MLPH: variants seen among roughly 807,000 people sequenced by gnomAD.
MLPH encodes the protein melanophilin.
In MLPH, 51 loss-of-function variants were observed where a neutral mutation model predicts 72.1. That is an observed-to-expected ratio of 0.71 (90% CI 0.56 to 0.89). The LOEUF (loss-of-function observed/expected upper bound fraction) is 0.89. MLPH is among the 40% of genes least tolerant of loss of function. The probability of loss-of-function intolerance (pLI) is 0.00; values close to 1 mark genes in which losing one functional copy is unlikely to be tolerated. For missense variants in MLPH, 743 were observed against 759.9 expected, an observed-to-expected ratio of 0.98 and a Z score of 0.26; for synonymous variants, 301 against 310.1, an observed-to-expected ratio of 0.97 and a Z score of 0.31.
chr2:237,548,343 G>A (rs912875929), intron 13 of MLPH, among the ~76,000 whole-genome samples: 1 of 152,208 alleles, frequency 6.6e-6, no homozygotes, highest in Non-Finnish European at 1.5e-5. Flanking sequence ...ATTTCCAGGG[G>A]AATTTGGCCA....
At chr2:237,525,376 C>G (rs1342513898) in intron 6 of MLPH, among the ~76,000 whole-genome samples, 1 of 152,326 alleles carries the variant, frequency 6.6e-6, no homozygotes. Flanking sequence ...TGCACAGACA[C>G]ATGCAATAGG....
chr2:237,517,748 G>A (rs1023646506), intron 4 of MLPH, among the ~76,000 whole-genome samples: 1 of 142,186 alleles, frequency 7.0e-6, no homozygotes, highest in Admixed American at 6.9e-5. Flanking sequence ...TGGATGGATG[G>A]ATGGATGGAT....
At chr2:237,513,378 C>G (rs904853755) in intron 4 of MLPH, among the ~76,000 whole-genome samples, 5 of 152,278 alleles carry the variant, frequency 3.3e-5, no homozygotes, top group African/African-American at 1.2e-4. Flanking sequence ...CCGTGCCTTC[C>G]CTTCCAGTGC....
At chr2:237,519,769 T>C (rs1248385319) in intron 5 of MLPH, 141 bp from the exon 6 acceptor site, 2 of 1,215,154 alleles carry the variant, frequency 1.6e-6, no homozygotes, top group South Asian at 1.2e-5. Flanking sequence ...TTGTTCCTAG[T>C]GGAGGGGGTG....
rs976963120 is a variant in MLPH, at chr2:237,540,276, CCA to C, written c.1105-71_1105-70del. Reference sequence around the variant, plus strand: ...GGTGTGCTGGGCCCTGGCCCATCTCCCAGAGCCAGCCCTGGAGCTCCATGGCT... The same window carrying C: ...GGTGTGCTGGGCCCTGGCCCATCTCCGAGCCAGCCCTGGAGCTCCATGGCT... On this transcript the variant is annotated intron_variant, in intron 9 of 15. Coordinates refer to ENST00000264605, the MANE Select transcript of MLPH (RefSeq NM_024101.7). 91 of 1,569,304 alleles carry C rather than the reference CCA, an allele frequency of 5.8e-5. No individual in the cohort carries two copies. In the African/African-American group the frequency reaches 1.0e-3, roughly 18 times the overall value.
intron 2 of MLPH, among the ~76,000 whole-genome samples, chr2:237,501,969 T>C (rs2106477410): frequency 6.6e-6 from 1 of 152,382 alleles, no homozygotes; most frequent in South Asian, 2.1e-4. Context: ...CTGTAAGATC[T>C]CTTTTCAGCT....
At chr2:237,534,496 G>A in intron 8 of MLPH, 68 bp from the exon 9 acceptor site, 1 of 1,282,034 alleles carries the variant, frequency 7.8e-7, no homozygotes, top group Admixed American at 1.7e-5. Context: ...AGAGGTGGTG[G>A]GTGCCAGTGT....
chr2:237,527,605 G>A, intron 8 of MLPH, 89 bp downstream of exon 8: 1 of 1,521,502 alleles, frequency 6.6e-7, no homozygotes, highest in East Asian at 2.3e-5. Flanking sequence ...AGAAATTACA[G>A]CTTTTAATAC....
At chr2:237,536,241 C>T (rs2080528460) in intron 9 of MLPH, among the ~76,000 whole-genome samples, 1 of 151,960 alleles carries the variant, frequency 6.6e-6, no homozygotes, top group Non-Finnish European at 1.5e-5. Context: ...TGACCCCGGC[C>T]GGAGCGGAGA....
At chr2:237,530,905 A>G (rs2080407483) in intron 8 of MLPH, among the ~76,000 whole-genome samples, 1 of 152,244 alleles carries the variant, frequency 6.6e-6, no homozygotes, top group Non-Finnish European at 1.5e-5. Context: ...GTGCTGCAGC[A>G]GTCAAGCCTC....
intron 2 of MLPH, among the ~76,000 whole-genome samples, chr2:237,497,595 AG>A (rs1317649499): frequency 6.6e-6 from 1 of 152,260 alleles, no homozygotes; most frequent in African/African-American, 2.4e-5. Context: ...AAGGCCACAG[AG>A]GAAACAAGCA....
At chr2:237,525,361 A>C (rs963866629) in intron 6 of MLPH, among the ~76,000 whole-genome samples, 1 of 152,194 alleles carries the variant, frequency 6.6e-6, no homozygotes, top group Non-Finnish European at 1.5e-5. Context: ...TGGGGGCCCC[A>C]ACATTGCACA....
chr2:237,510,564 T>C lies in MLPH; in HGVS notation c.111-10T>C. The C allele has an allele frequency of 6.2e-7, 1 of 1,612,864 alleles. No homozygotes were observed. On this transcript the variant is annotated splice_polypyrimidine_tract_variant and intron_variant, in intron 2 of 15. Coordinates refer to ENST00000264605, the MANE Select transcript of MLPH (RefSeq NM_024101.7). The surrounding 1 kb of genome is among the most constrained non-coding windows in gnomAD (Gnocchi z 4.4). ...CCCAATATATTTCTTGTTTCTGATA[T>C]TTTCCCAAGGGCGTTGAAGGGCAAG... is the stretch of plus-strand genomic sequence containing the variant.
intron 11 of MLPH, 29 bp from the exon 12 acceptor site, chr2:237,542,538 C>A: frequency 6.5e-7 from 1 of 1,548,364 alleles, no homozygotes; most frequent in Non-Finnish European, 8.8e-7. Flanking sequence ...GTCTGTCTGA[C>A]GGGCCTTCTG....
chr2:237,524,398 G>A (rs1165273144), intron 6 of MLPH, among the ~76,000 whole-genome samples: 1 of 151,318 alleles, frequency 6.6e-6, no homozygotes, highest in African/African-American at 2.5e-5. Context: ...GGAGCAGGGA[G>A]AGCCAGTCGG....
chr2:237,526,270 T>C (rs2080302226), intron 7 of MLPH, among the ~76,000 whole-genome samples: 1 of 152,066 alleles, frequency 6.6e-6, no homozygotes, highest in Non-Finnish European at 1.5e-5. Context: ...TGAAATGAAA[T>C]CCCCAAAGCT....
intron 8 of MLPH, among the ~76,000 whole-genome samples, chr2:237,533,390 CTT>C (rs746139615): frequency 0.097 from 10,440 of 107,482 alleles, 164 homozygotes; most frequent in South Asian, 0.18. Flanking sequence ...ATTTTCTTTT[CTT>C]TTTTTTTTTT....
intron 2 of MLPH, among the ~76,000 whole-genome samples, chr2:237,501,663 CTAA>C (rs201295985): frequency 0.11 from 11,364 of 101,116 alleles, 1,276 homozygotes; most frequent in African/African-American, 0.34. Flanking sequence ...CACGTCTCTA[CTAA>C]AAAAAAAAAA....
Position 237,546,069 on chromosome 2 carries a change from C to A in MLPH, c.1540-537C>A, listed in dbSNP as rs2080912784. Among the ~76,000 whole-genome samples, 4 of 152,152 alleles carry A rather than the reference C, an allele frequency of 2.6e-5. No homozygotes were observed. The South Asian group carries it at 8.3e-4, about 32-fold the overall frequency. On this transcript the variant is annotated intron_variant, in intron 12 of 15. Transcript: ENST00000264605. ...CATCAATCAGTAGGTGTAAGATGTA[C>A]CTTGGTTCAGTCCAGTAAGGTGGGA...
Sources: gnomAD v4.1 joint callset for allele counts (sites outside exome capture counted in the v4.1 genomes callset) on GRCh38, gnomAD v4.1.1 for gene constraint, Gnocchi (gnomAD v3.1) non-coding constraint, MANE v1.5 for transcripts, NCBI Gene and HGNC (gene_info 2026-07-23, HGNC 2026-07-21) for gene names.